The following PCM1 variants were observed in gnomAD, a reference collection of about 807,000 sequenced individuals.
The protein encoded by PCM1 is pericentriolar material 1 protein.
In PCM1, 157 loss-of-function variants were observed where a neutral mutation model predicts 241.9. The observed-to-expected ratio is 0.65, with a 90% confidence interval of 0.57 to 0.74. PCM1 has a LOEUF of 0.74. Among genes scored for constraint, PCM1 ranks in the 30% least tolerant of loss-of-function variants. The pLI is 0.00. For missense variants in PCM1, 3,478 were observed against 2,360.1 expected (o/e 1.47, Z -9.81); for synonymous variants, 1,085 against 784.9 (o/e 1.38, Z -6.39).
At chr8:18,015,066 T>C (rs866084358) in intron 36 of PCM1, among the ~76,000 whole-genome samples, 23 of 152,294 alleles carry the variant, frequency 1.5e-4, no homozygotes, top group African/African-American at 4.8e-4. Context: ...ACCAAAGGGA[T>C]AAAAAGATTT....
intron 2 of PCM1, among the ~76,000 whole-genome samples, chr8:17,929,633 T>A (rs577345529): frequency 2.0e-5 from 3 of 152,304 alleles, no homozygotes; most frequent in Admixed American, 1.3e-4. Flanking sequence ...ATCCTTTATC[T>A]TTTAACTCTA....
At chr8:18,026,847 T>C (rs1009767327) in intron 38 of PCM1, among the ~76,000 whole-genome samples, 5 of 152,232 alleles carry the variant, frequency 3.3e-5, no homozygotes, top group African/African-American at 1.2e-4. Flanking sequence ...TGTTCAGTTT[T>C]ACCCATATTC....
At chr8:17,951,041 A>G (rs1442006562) in intron 8 of PCM1, among the ~76,000 whole-genome samples, 2 of 152,156 alleles carry the variant, frequency 1.3e-5, no homozygotes, top group Non-Finnish European at 1.5e-5. Context: ...TTTTCCTCTA[A>G]AAGACTTAAT....
In PCM1 at chr8:18,018,873, T is replaced by C. The variant is rs371249685; in HGVS notation, c.5841+4033T>C. Among the ~76,000 whole-genome samples the C allele has an allele frequency of 9.3e-3, 1,078 of 116,496 alleles. 35 individuals are homozygous for C. The highest frequency in any genetic ancestry group is 0.021 in the Middle Eastern group (5 of 234). The allele number at this position is 116,496 out of a possible 152,430, so 76.4% of individuals were successfully genotyped here. On this transcript the variant is annotated intron_variant, in intron 36 of 38. Transcript: ENST00000325083. ...GTGTGTATATATATATATATATATA[T>C]ATATATACACACACATATACATACA... is the stretch of plus-strand genomic sequence containing the variant.
chr8:17,976,786 C>G (rs1179948477), intron 23 of PCM1, among the ~76,000 whole-genome samples: 1 of 151,616 alleles, frequency 6.6e-6, no homozygotes, highest in Non-Finnish European at 1.5e-5. Context: ...ACATCCTTAT[C>G]TCTCATCAGT....
chr8:17,924,292 G>A (rs577691140), intron 1 of PCM1, among the ~76,000 whole-genome samples: 1 of 152,154 alleles, frequency 6.6e-6, no homozygotes, highest in African/African-American at 2.4e-5. Context: ...GTAGTGACGA[G>A]GTTATTTTAT....
intron 3 of PCM1, among the ~76,000 whole-genome samples, chr8:17,936,032 C>G (rs1276915124): frequency 6.6e-6 from 1 of 152,166 alleles, no homozygotes; most frequent in East Asian, 1.9e-4. Flanking sequence ...CCTAACTCTG[C>G]TTTTGAGTGC....
chr8:18,015,044 A>G (rs1234884865), intron 36 of PCM1, among the ~76,000 whole-genome samples: 1 of 152,098 alleles, frequency 6.6e-6, no homozygotes, highest in African/African-American at 2.4e-5. Flanking sequence ...ATGCTGTTTT[A>G]TAATTTTGAG....
chr8:17,960,029 CA>C lies in PCM1; in HGVS notation c.2058del (p.Gly687GlufsTer40). 1 of 1,612,310 alleles carries C rather than the reference CA, an allele frequency of 6.2e-7. No individual in the cohort carries two copies. Among genetic ancestry groups the C allele is most frequent in the Non-Finnish European group, 8.5e-7 (1 of 1,179,284 alleles). ...VAMVQDDDAA[Q>X]GVISASASNL... The stretch of plus-strand genomic sequence containing the variant: ...GCTCTTTCAGGATGATGATGCAGCT[CA>C]AGGAGTTATCTCTGCCAGTGCATCA... On this transcript the variant is annotated frameshift_variant, in exon 14 of 39. Coordinates refer to ENST00000325083, the MANE Select transcript of PCM1 (RefSeq NM_006197.4). LOFTEE classifies it high-confidence loss of function.
intron 29 of PCM1, among the ~76,000 whole-genome samples, chr8:17,996,239 C>A (rs769331248): frequency 1.3e-5 from 2 of 152,078 alleles, no homozygotes; most frequent in Admixed American, 6.6e-5. Context: ...GGGCTTTTAT[C>A]ATGAAAGGAT....
chr8:17,970,170 A>G (rs1005211745), intron 22 of PCM1, among the ~76,000 whole-genome samples: 4 of 152,122 alleles, frequency 2.6e-5, no homozygotes, highest in Non-Finnish European at 5.9e-5. Context: ...AGATTATAAA[A>G]ACAACTTTTG....
At chr8:18,022,110 T>C (rs973689821) in intron 36 of PCM1, among the ~76,000 whole-genome samples, 12 of 152,058 alleles carry the variant, frequency 7.9e-5, no homozygotes, top group Admixed American at 5.9e-4. Context: ...GCAGCAAAAC[T>C]TCAGGGTTTT....
Position 17,937,215 on chromosome 8 carries a change from G to A in PCM1, c.178G>A (p.Val60Ile). Residue 60 changes from valine to isoleucine, a missense_variant, in exon 4 of 39, where the codon GTA becomes ATA. Val to Ile is a conservative substitution (Grantham distance 29). Coordinates refer to ENST00000325083, the MANE Select transcript of PCM1 (RefSeq NM_006197.4). ...GTTTGGTGTAGAAAGTGATAAAAGA[G>A]TAACCAATGATATTTCTCCGGAGTC... ...KKFGVESDKRVTNDISPESSP... is the reference protein window; with the variant it reads ...KKFGVESDKRITNDISPESSP... The A allele has an allele frequency of 2.5e-6, 4 of 1,605,954 alleles. No homozygotes were observed. The highest frequency in any genetic ancestry group is 3.4e-6 in the Non-Finnish European group (4 of 1,174,866).
chr8:17,945,894 T>G lies in PCM1; in HGVS notation c.784-1292T>G, dbSNP rs147432544. 5.7e-3 allele frequency among the ~76,000 whole-genome samples: 871 copies of G among 152,302 alleles called. 10 individuals carry two copies. Among genetic ancestry groups the G allele is most frequent in the African/African-American group, 0.02 (813 of 41,568 alleles). Reference sequence around the variant, plus strand: ...TTTGTTAGCAGTACAAATTTAAAATTGACTAAGTGAAACAAAAGTGAAATA... The same window carrying G: ...TTTGTTAGCAGTACAAATTTAAAATGGACTAAGTGAAACAAAAGTGAAATA... On this transcript the variant is annotated intron_variant, in intron 6 of 38. Coordinates refer to ENST00000325083, the MANE Select transcript of PCM1 (RefSeq NM_006197.4).
chr8:17,999,530 C>T (rs574547121), intron 29 of PCM1, among the ~76,000 whole-genome samples: 1 of 151,976 alleles, frequency 6.6e-6, no homozygotes, highest in Admixed American at 6.6e-5. Flanking sequence ...GAGCTGGTAT[C>T]CAAGATACAA....
chr8:17,973,521 C>G (rs953416345), intron 23 of PCM1, among the ~76,000 whole-genome samples: 1 of 151,954 alleles, frequency 6.6e-6, no homozygotes, highest in African/African-American at 2.4e-5. Flanking sequence ...GAGTTTGAGA[C>G]CAGCCTGACC....
chr8:17,985,933 AATG>A, intron 25 of PCM1, 23 bp from the exon 26 acceptor site: 1 of 1,398,392 alleles, frequency 7.2e-7, no homozygotes, highest in Non-Finnish European at 9.7e-7. Context: ...GTTTTATATA[AATG>A]ATGATCTTAT....
chr8:17,944,465 G>C (rs2129452580), intron 6 of PCM1, among the ~76,000 whole-genome samples: 1 of 152,210 alleles, frequency 6.6e-6, no homozygotes, highest in Admixed American at 6.5e-5. Context: ...GTTGAGTAGA[G>C]GAAAGGAAGA....
At chr8:17,936,531 C>G (rs1563673913) in intron 3 of PCM1, among the ~76,000 whole-genome samples, 1 of 152,036 alleles carries the variant, frequency 6.6e-6, no homozygotes, top group Non-Finnish European at 1.5e-5. Flanking sequence ...TAGCTGTTAC[C>G]ATGTACATTT....
Sources: allele counts gnomAD v4.1 joint callset (sites outside exome capture counted in the v4.1 genomes callset), GRCh38; gene constraint gnomAD v4.1.1; transcripts MANE v1.5; gene names NCBI Gene and HGNC (gene_info 2026-07-23, HGNC 2026-07-21).